SLC24A3: variants seen among roughly 807,000 people sequenced by gnomAD.
SLC24A3 encodes sodium/potassium/calcium exchanger 3.
In SLC24A3, 28 loss-of-function variants were observed where a neutral mutation model predicts 75.8. The ratio of observed to expected loss-of-function variants is 0.37; its 90% confidence interval spans 0.27 to 0.51. The LOEUF (loss-of-function observed/expected upper bound fraction) is 0.51. Among genes scored for constraint, SLC24A3 ranks in the 20% least tolerant of loss-of-function variants. The pLI is 0.94. For missense variants in SLC24A3, 663 were observed against 847.8 expected (o/e 0.78, Z 2.71); for synonymous variants, 372 against 334.1 (o/e 1.11, Z -1.24).
chr20:19,334,203 G>A (rs118016097), intron 2 of SLC24A3, among the ~76,000 whole-genome samples: 1,789 of 152,262 alleles, frequency 0.012, 13 homozygotes, highest in Non-Finnish European at 0.018. Flanking sequence ...GGTCCTGAGA[G>A]CCAGACTGTG....
chr20:19,507,195 C>G (rs1988473390), intron 2 of SLC24A3, among the ~76,000 whole-genome samples: 1 of 152,240 alleles, frequency 6.6e-6, no homozygotes, highest in African/African-American at 2.4e-5. Context: ...ATTTGTGTGC[C>G]AGGTATTTTG....
intron 2 of SLC24A3, among the ~76,000 whole-genome samples, chr20:19,352,676 C>G (rs1436080393): frequency 6.6e-6 from 1 of 152,188 alleles, no homozygotes; most frequent in African/African-American, 2.4e-5. Flanking sequence ...CCGCATTGAA[C>G]CTTAAGGTTA....
At position 19,666,565 on chromosome 20, in the gene SLC24A3, A is replaced by G. The variant is rs146084868; in HGVS notation, c.713+676A>G. On this transcript the variant is annotated intron_variant, in intron 8 of 16. Transcript: ENST00000328041. Reference sequence around the variant, plus strand: ...GCTCCATGTTCCCAATCCCACGTTTATCTTAGGAATTAGGACCCAGGCACT... The same window carrying G: ...GCTCCATGTTCCCAATCCCACGTTTGTCTTAGGAATTAGGACCCAGGCACT... Among the ~76,000 whole-genome samples the G allele has an allele frequency of 3.7e-3, 565 of 152,242 alleles. 5 individuals carry two copies. The highest frequency in any genetic ancestry group is 0.013 in the African/African-American group (520 of 41,528).
intron 1 of SLC24A3, among the ~76,000 whole-genome samples, chr20:19,278,695 G>A (rs949045050): frequency 2.6e-5 from 4 of 152,144 alleles, no homozygotes; most frequent in African/African-American, 7.2e-5. Flanking sequence ...ACATGTGGCC[G>A]CCATGTAGAA....
rs530322608 is a variant in SLC24A3, at chr20:19,442,401, C to A, written c.272-73087C>A. On this transcript the variant is annotated intron_variant, in intron 2 of 16. Coordinates refer to ENST00000328041, the MANE Select transcript of SLC24A3 (RefSeq NM_020689.4). ...GTGTCAGTCTTTTGGATTTTGGCCA[C>A]TCTAATAGGTGCATAGTTGTATCTC... Among the ~76,000 whole-genome samples the A allele has an allele frequency of 1.7e-4, 26 of 152,302 alleles. No homozygotes were observed. The East Asian group carries it at 4.2e-3, about 25-fold the overall frequency.
At chr20:19,285,811 G>A (rs760838274) in intron 2 of SLC24A3, among the ~76,000 whole-genome samples, 1 of 151,988 alleles carries the variant, frequency 6.6e-6, no homozygotes, top group Non-Finnish European at 1.5e-5. Context: ...AATTAAGTTA[G>A]CTAAATGTAA....
At chr20:19,507,339 A>G (rs1156472433) in intron 2 of SLC24A3, among the ~76,000 whole-genome samples, 3 of 152,260 alleles carry the variant, frequency 2.0e-5, no homozygotes, top group Non-Finnish European at 2.9e-5. Context: ...TAGGGATGCC[A>G]AGGAGCAAGG....
At chr20:19,598,120 T>G (rs923933115) in intron 6 of SLC24A3, among the ~76,000 whole-genome samples, 12 of 152,202 alleles carry the variant, frequency 7.9e-5, no homozygotes, top group African/African-American at 2.7e-4. Flanking sequence ...GGGGTGTTTT[T>G]GGGATTTTTT....
intron 2 of SLC24A3, among the ~76,000 whole-genome samples, chr20:19,489,491 A>C (rs1479198316): frequency 1.3e-5 from 2 of 152,236 alleles, no homozygotes; most frequent in Non-Finnish European, 2.9e-5. Context: ...TTCTTGGTTC[A>C]CAATTTACAT....
intron 15 of SLC24A3, among the ~76,000 whole-genome samples, chr20:19,717,044 C>T (rs2122176617): frequency 6.6e-6 from 1 of 152,304 alleles, no homozygotes; most frequent in South Asian, 2.1e-4. Flanking sequence ...CCACTTCTTC[C>T]CATCAAGTTA....
chr20:19,700,876 C>T (rs1392691549), intron 15 of SLC24A3, among the ~76,000 whole-genome samples: 1 of 152,226 alleles, frequency 6.6e-6, no homozygotes, highest in Non-Finnish European at 1.5e-5. Flanking sequence ...ACACCACAGA[C>T]ATCTTTGTAC....
In SLC24A3 at chr20:19,647,137, C is replaced by T. The variant is rs116178937; in HGVS notation, c.613-6925C>T. Reference sequence around the variant, plus strand: ...ACCGATGGAAGTGGGTGGATTAATACCCCAGCTCCCTCTCCTCTCAGAGGC... The same window carrying T: ...ACCGATGGAAGTGGGTGGATTAATATCCCAGCTCCCTCTCCTCTCAGAGGC... On this transcript the variant is annotated intron_variant, in intron 6 of 16. Coordinates refer to ENST00000328041, the MANE Select transcript of SLC24A3 (RefSeq NM_020689.4). 1.8e-3 allele frequency among the ~76,000 whole-genome samples: 274 copies of T among 152,162 alleles called. 1 individual carries two copies. Among genetic ancestry groups the T allele is most frequent in the African/African-American group, 6.4e-3 (267 of 41,506 alleles).
At chr20:19,592,867 C>T (rs559952859) in intron 6 of SLC24A3, among the ~76,000 whole-genome samples, 14 of 142,184 alleles carry the variant, frequency 9.8e-5, no homozygotes, top group Non-Finnish European at 1.6e-4. Context: ...ACGATCTTGG[C>T]TCACTACAAC....
intron 6 of SLC24A3, among the ~76,000 whole-genome samples, chr20:19,588,652 A>G (rs1328600549): frequency 1.3e-5 from 2 of 152,220 alleles, no homozygotes; most frequent in African/African-American, 4.8e-5. Flanking sequence ...TGGTCCTACA[A>G]GTTTCCTTTA....
chr20:19,688,073 G>A lies in SLC24A3; in HGVS notation c.1324+2712G>A, dbSNP rs143099572. On this transcript the variant is annotated intron_variant, in intron 12 of 16. Coordinates refer to ENST00000328041, the MANE Select transcript of SLC24A3 (RefSeq NM_020689.4). The stretch of plus-strand genomic sequence containing the variant: ...CCCGTGGGGTCTCCATGTCATTCAA[G>A]GGCTCCCAGCTGCCAAGATAGAAAG... 3.0e-3 allele frequency among the ~76,000 whole-genome samples: 459 copies of A among 152,262 alleles called. 3 individuals carry two copies. The highest frequency in any genetic ancestry group is 0.02 in the Middle Eastern group (6 of 294).
intron 2 of SLC24A3, among the ~76,000 whole-genome samples, chr20:19,437,121 G>T (rs1018660598): frequency 2.0e-5 from 3 of 152,200 alleles, no homozygotes; most frequent in African/African-American, 7.2e-5. Context: ...TGTCAATGTA[G>T]GGGGGAGAGA....
intron 6 of SLC24A3, among the ~76,000 whole-genome samples, chr20:19,636,981 C>T (rs567189994): frequency 5.3e-5 from 8 of 152,054 alleles, no homozygotes; most frequent in South Asian, 2.1e-4. Flanking sequence ...AAGAAGAAGA[C>T]GGCAGTAGGA....
At chr20:19,375,766 C>CA (rs1986073623) in intron 2 of SLC24A3, among the ~76,000 whole-genome samples, 1 of 38,880 alleles carries the variant, frequency 2.6e-5, no homozygotes, top group African/African-American at 4.3e-4. Flanking sequence ...GAGGTGACCT[C>CA]CCAGGCATCC....
chr20:19,546,182 A>AAAAAAAAAAAC (rs1283634511), intron 3 of SLC24A3, among the ~76,000 whole-genome samples: 6 of 140,228 alleles, frequency 4.3e-5, no homozygotes, highest in Non-Finnish European at 7.9e-5. Context: ...AAAAAAAAAA[A>AAAAAAAAAAAC]AAAAAACCAG....
Sources: gnomAD v4.1 joint callset for allele counts (sites outside exome capture counted in the v4.1 genomes callset) on GRCh38, gnomAD v4.1.1 for gene constraint, MANE v1.5 for transcripts, NCBI Gene and HGNC (gene_info 2026-07-23, HGNC 2026-07-21) for gene names.